The following POU2F1 variants were observed in gnomAD, a reference collection of about 807,000 sequenced individuals.
POU2F1 encodes POU domain, class 2, transcription factor 1.
In POU2F1, 16 loss-of-function variants were observed where a neutral mutation model predicts 84.9. The ratio of observed to expected loss-of-function variants is 0.19; its 90% CI spans 0.13 to 0.29. POU2F1 has a LOEUF of 0.29. Ranked by LOEUF, POU2F1 falls within the 10% of genes least tolerant of loss-of-function variation. The pLI is 1.00. For missense variants in POU2F1, 738 were observed against 942.6 expected (o/e 0.78, Z 2.84); for synonymous variants, 368 against 368.3 (o/e 1.00, Z 0.01).
At chr1:167,224,825 CTTT>C (rs774351969) in intron 1 of POU2F1, among the ~76,000 whole-genome samples, 5 of 122,214 alleles carry the variant, frequency 4.1e-5, no homozygotes, top group African/African-American at 1.6e-4. Context: ...TCACTGTCTT[CTTT>C]TTTTTTTTTT....
intron 1 of POU2F1, among the ~76,000 whole-genome samples, chr1:167,233,936 A>G (rs991943729): frequency 5.3e-5 from 8 of 152,192 alleles, no homozygotes; most frequent in African/African-American, 1.7e-4. Flanking sequence ...AATGCTTTAC[A>G]TGCATTTATG....
chr1:167,322,908 C>T (rs980862943), intron 1 of POU2F1, among the ~76,000 whole-genome samples: 4 of 152,190 alleles, frequency 2.6e-5, no homozygotes, highest in Non-Finnish European at 4.4e-5. Context: ...ACACCTTAAG[C>T]GGTTTTCCAC....
intron 1 of POU2F1, among the ~76,000 whole-genome samples, chr1:167,280,102 G>A (rs1432367055): frequency 6.6e-6 from 1 of 151,444 alleles, no homozygotes; most frequent in African/African-American, 2.4e-5. Flanking sequence ...GTTGAGGCAG[G>A]AGAATCGCTC....
chr1:167,320,071 T>G (rs923830854), intron 1 of POU2F1, among the ~76,000 whole-genome samples: 5 of 151,540 alleles, frequency 3.3e-5, no homozygotes, highest in African/African-American at 9.8e-5. Flanking sequence ...TAATGTGAGT[T>G]GATGTAAATA....
chr1:167,257,461 C>A (rs1651226684), intron 1 of POU2F1, among the ~76,000 whole-genome samples: 1 of 152,140 alleles, frequency 6.6e-6, no homozygotes, highest in Non-Finnish European at 1.5e-5. Flanking sequence ...TTCTTTTGAG[C>A]CCTGACGTCG....
chr1:167,334,657 A>G (rs1369037130), intron 2 of POU2F1, among the ~76,000 whole-genome samples: 1 of 152,184 alleles, frequency 6.6e-6, no homozygotes, highest in Non-Finnish European at 1.5e-5. Context: ...TTAATATAGA[A>G]TGTGTGGCAG....
intron 2 of POU2F1, among the ~76,000 whole-genome samples, chr1:167,359,041 T>TTTA (rs1659173397): frequency 6.6e-6 from 1 of 152,102 alleles, no homozygotes; most frequent in East Asian, 1.9e-4. Context: ...TGGTCTTACC[T>TTTA]TTATTATTAC....
rs112445206 is a variant in POU2F1, at chr1:167,353,064, A to G, written c.128-12403A>G. Among the ~76,000 whole-genome samples the G allele has an allele frequency of 2.1e-3, 315 of 152,302 alleles. 1 individual carries two copies. Among genetic ancestry groups the G allele is most frequent in the African/African-American group, 7.3e-3 (303 of 41,560 alleles). On this transcript the variant is annotated intron_variant, in intron 2 of 15. Transcript: ENST00000367866. ...CTGCTGGCTATGAAGAGAAAAACAGAACTTTCTGGGAGATGAGGACTCTCC... is the reference window on the plus strand; with the variant it reads ...CTGCTGGCTATGAAGAGAAAAACAGGACTTTCTGGGAGATGAGGACTCTCC...
rs1174580212 is a variant in POU2F1 at position 167,237,762 on chromosome 1, ATATATATATATTTTTTTTTTTTTT to A, written c.61+16806_61+16829del. Reference sequence around the variant, plus strand: ...TGTGTGTGTGTATATATATATATATATATATATATATTTTTTTTTTTTTTTTTTTTTTTTTTTGGCAGAGTGTTG... The same window carrying A: ...TGTGTGTGTGTATATATATATATATATTTTTTTTTTTTTGGCAGAGTGTTG... On this transcript the variant is annotated intron_variant, in intron 1 of 15. Transcript: ENST00000367866. Among the ~76,000 whole-genome samples, 55 of 19,996 alleles carry A rather than the reference ATATATATATATTTTTTTTTTTTTT, an allele frequency of 2.8e-3. 1 individual carries two copies. Among genetic ancestry groups the A allele is most frequent in the African/African-American group, 6.0e-3 (51 of 8,512 alleles). 13.1% of individuals were successfully genotyped at this position (19,996 alleles called of 152,430 possible).
intron 7 of POU2F1, chr1:167,379,688 G>A (rs1647376931): frequency 6.6e-6 from 1 of 152,190 alleles, no homozygotes; most frequent in African/African-American, 2.4e-5. Context: ...ACTTAGGAAG[G>A]TCAATGCAAA....
At chr1:167,317,288 TCA>T (rs1371395643) in intron 1 of POU2F1, among the ~76,000 whole-genome samples, 1 of 152,242 alleles carries the variant, frequency 6.6e-6, no homozygotes, top group Non-Finnish European at 1.5e-5. Flanking sequence ...CCTGGAATGT[TCA>T]CAGTTTGTCA....
At position 167,393,244 on chromosome 1, in the gene POU2F1, T is replaced by G. The variant is rs114521141; in HGVS notation, c.988-3042T>G. ...CCCAAGATGGTTGTGAGTTGGATTA[T>G]CACGAAAGAGCATTAAACCAAGCCT... is the stretch of plus-strand genomic sequence containing the variant. On this transcript the variant is annotated intron_variant, in intron 9 of 15. Transcript: ENST00000367866. 4.2e-3 allele frequency among the ~76,000 whole-genome samples: 646 copies of G among 152,290 alleles called. 4 individuals are homozygous for G. The highest frequency in any genetic ancestry group is 0.024 in the South Asian group (117 of 4,824).
chr1:167,280,295 G>A (rs1653040507), intron 1 of POU2F1, among the ~76,000 whole-genome samples: 1 of 150,474 alleles, frequency 6.6e-6, no homozygotes, highest in Admixed American at 6.6e-5. Context: ...TAGCAAATAT[G>A]CTTGGTGTTT....
chr1:167,399,168 C>T lies in POU2F1; in HGVS notation c.1270-18C>T, dbSNP rs371025371. The T allele has an allele frequency of 1.9e-6, 3 of 1,581,926 alleles. No individual in the cohort carries two copies. Among genetic ancestry groups the T allele is most frequent in the African/African-American group, 2.7e-5 (2 of 73,648 alleles). ...TTGCAAAGGATAGCTTTTGGAATTA[C>T]ATCTTTTCACCCTGCAGAATCAAAA... On this transcript the variant is annotated intron_variant, in intron 11 of 15. Coordinates refer to ENST00000367866, the MANE Select transcript of POU2F1 (RefSeq NM_002697.4).
rs113441835 is a variant in POU2F1, at chr1:167,293,857, A to G, written c.62-38613A>G. 4.1e-3 allele frequency among the ~76,000 whole-genome samples: 621 copies of G among 152,296 alleles called. 6 individuals carry two copies. The highest frequency in any genetic ancestry group is 0.014 in the African/African-American group (600 of 41,564). Reference sequence around the variant, plus strand: ...AAAGCATACAAAAAAGTAAATTAGGAAAGGACACCCTATTTAATAAATGGT... The same window carrying G: ...AAAGCATACAAAAAAGTAAATTAGGGAAGGACACCCTATTTAATAAATGGT... On this transcript the variant is annotated intron_variant, in intron 1 of 15. Transcript: ENST00000367866.
chr1:167,278,211 T>A (rs1193092206), intron 1 of POU2F1, among the ~76,000 whole-genome samples: 1 of 152,234 alleles, frequency 6.6e-6, no homozygotes, highest in East Asian at 1.9e-4. Flanking sequence ...CTTCTCTGCT[T>A]AGTCAATTTC....
chr1:167,256,653 C>G (rs1177436188), intron 1 of POU2F1, among the ~76,000 whole-genome samples: 1 of 152,196 alleles, frequency 6.6e-6, no homozygotes, highest in Non-Finnish European at 1.5e-5. Context: ...TATCATCTCA[C>G]TTACGCCACC....
intron 1 of POU2F1, among the ~76,000 whole-genome samples, chr1:167,331,048 A>T (rs925257686): frequency 6.6e-6 from 1 of 152,090 alleles, no homozygotes; most frequent in East Asian, 1.9e-4. Flanking sequence ...AAACCTTAGT[A>T]TGCTTTCAGA....
intron 1 of POU2F1, among the ~76,000 whole-genome samples, chr1:167,315,899 C>G (rs959142430): frequency 6.6e-5 from 10 of 151,852 alleles, no homozygotes; most frequent in Non-Finnish European, 1.2e-4. Context: ...AAAGGAATAA[C>G]TATTGATACA....
Sources: gnomAD v4.1 joint callset for allele counts (sites outside exome capture counted in the v4.1 genomes callset) on GRCh38, gnomAD v4.1.1 for gene constraint, MANE v1.5 for transcripts, NCBI Gene and HGNC (gene_info 2026-07-23, HGNC 2026-07-21) for gene names.